HDGFL3: variants seen among roughly 807,000 people sequenced by gnomAD.
HDGFL3 encodes the protein HDGF like 3.
Under a neutral mutation model 27.6 loss-of-function variants are expected in HDGFL3, and 6 were observed. That is an observed-to-expected ratio of 0.22 (90% CI 0.12 to 0.43). HDGFL3 has a LOEUF of 0.43. Among genes scored for constraint, HDGFL3 ranks in the 20% least tolerant of loss-of-function variants. The pLI is 1.00. For synonymous variants in HDGFL3, 88 were observed against 88.9 expected, an observed-to-expected ratio of 0.99 and a Z score of 0.05; for missense variants, 207 against 250.1, an observed-to-expected ratio of 0.83 and a Z score of 1.16.
intron 1 of HDGFL3, among the ~76,000 whole-genome samples, chr15:83,170,399 C>A (rs1419761073): frequency 1.3e-5 from 2 of 152,100 alleles, no homozygotes; most frequent in African/African-American, 4.8e-5. Context: ...GAAAAGAGAA[C>A]CCAGAAATAA....
chr15:83,121,941 G>T, intron 3 of HDGFL3: 1 of 1,608,790 alleles, frequency 6.2e-7, no homozygotes, highest in Non-Finnish European at 8.5e-7. Context: ...AGAACCATTG[G>T]CCTATATTGG....
At chr15:83,160,547 TG>T (rs140522807) in intron 2 of HDGFL3, among the ~76,000 whole-genome samples, 24 of 135,230 alleles carry the variant, frequency 1.8e-4, no homozygotes, top group African/African-American at 4.3e-4. Flanking sequence ...GGAAATATTT[TG>T]GGGGGGGAAC....
At chr15:83,187,093 T>C (rs762239282) in intron 1 of HDGFL3, among the ~76,000 whole-genome samples, 30 of 152,124 alleles carry the variant, frequency 2.0e-4, no homozygotes, top group South Asian at 8.3e-4. Flanking sequence ...TCATGTCATA[T>C]ATATACACAC....
At chr15:83,156,706 T>C (rs1157929767) in intron 4 of HDGFL3, among the ~76,000 whole-genome samples, 1 of 152,124 alleles carries the variant, frequency 6.6e-6, no homozygotes, top group African/African-American at 2.4e-5. Context: ...CATTTCTTTT[T>C]TTTTTGAGAT....
rs369260749 is a variant in HDGFL3 at position 83,143,995 on chromosome 15, A to G, written c.607-4720T>C. Among the ~76,000 whole-genome samples, 6 of 152,312 alleles carry G rather than the reference A, an allele frequency of 3.9e-5. No individual in the cohort carries two copies. The South Asian group carries it at 1.2e-3, about 32-fold the overall frequency. ...CTAGTAAATATATTGGAATAATTAC[A>G]AATTTTAAGTCCCAACTTACCGATA... On this transcript the variant is annotated intron_variant, in intron 5 of 5. Transcript: ENST00000299633.
rs2036816441 is a variant in HDGFL3, at chr15:83,143,223, G to GCTGAC, written c.607-3949_607-3948insGTCAG. Among the ~76,000 whole-genome samples, 5 of 152,234 alleles carry GCTGAC rather than the reference G, an allele frequency of 3.3e-5. No homozygotes were observed. In the South Asian group the frequency reaches 1.0e-3, roughly 32 times the overall value. On this transcript the variant is annotated intron_variant, in intron 5 of 5. Transcript: ENST00000299633. The stretch of plus-strand genomic sequence containing the variant: ...GATGGGGTTTCACCATGTTGGCCAG[G>GCTGAC]CTGGTGTTGAACTCCTGACCTCAGG...
chr15:83,142,856 T>C (rs2036805517), intron 5 of HDGFL3, among the ~76,000 whole-genome samples: 1 of 152,196 alleles, frequency 6.6e-6, no homozygotes, highest in African/African-American at 2.4e-5. Flanking sequence ...AAAAATGTCT[T>C]TCTGCAAACT....
At chr15:83,185,264 T>C (rs1434551666) in intron 1 of HDGFL3, among the ~76,000 whole-genome samples, 1 of 152,190 alleles carries the variant, frequency 6.6e-6, no homozygotes, top group Non-Finnish European at 1.5e-5. Flanking sequence ...CCTCAGGCAA[T>C]CTGCCCGTCT....
At chr15:83,196,310 A>C (rs2151421533) in intron 1 of HDGFL3, among the ~76,000 whole-genome samples, 1 of 151,924 alleles carries the variant, frequency 6.6e-6, no homozygotes. Context: ...GGAATACAAA[A>C]ACCATTTTTT....
At chr15:83,178,807 T>G (rs2037345636) in intron 1 of HDGFL3, among the ~76,000 whole-genome samples, 1 of 152,356 alleles carries the variant, frequency 6.6e-6, no homozygotes, top group South Asian at 2.1e-4. Flanking sequence ...TCTATGCTCC[T>G]ACGTTAAATC....
intron 1 of HDGFL3, among the ~76,000 whole-genome samples, chr15:83,194,738 G>C (rs936356958): frequency 6.6e-6 from 1 of 152,064 alleles, no homozygotes; most frequent in Non-Finnish European, 1.5e-5. Flanking sequence ...TATGGAGATG[G>C]GTGCAGACGG....
At chr15:83,156,780 G>A (rs559235143) in intron 4 of HDGFL3, among the ~76,000 whole-genome samples, 46 of 151,962 alleles carry the variant, frequency 3.0e-4, no homozygotes, top group African/African-American at 1.0e-3. Context: ...TGTAAGCTCC[G>A]CCTCCTGGGT....
At chr15:83,120,587 CTTTTTTTTT>C (rs993490763) in intron 3 of HDGFL3, among the ~76,000 whole-genome samples, 23 of 125,958 alleles carry the variant, frequency 1.8e-4, no homozygotes, top group African/African-American at 6.1e-4. Flanking sequence ...CCAGCTAATT[CTTTTTTTTT>C]TTTTTTTTTT....
chr15:83,171,044 T>C (rs2037240724), intron 1 of HDGFL3, among the ~76,000 whole-genome samples: 1 of 152,174 alleles, frequency 6.6e-6, no homozygotes, highest in African/African-American at 2.4e-5. Context: ...CCAGTCATAA[T>C]GGCTACTATT....
At chr15:83,164,194 AG>A in intron 1 of HDGFL3, 119 bp from the exon 2 acceptor site, 3 of 675,724 alleles carry the variant, frequency 4.4e-6, no homozygotes, top group Non-Finnish European at 7.2e-6. Flanking sequence ...ATAGTTTTTT[AG>A]AACTTTACAA....
chr15:83,206,149 T>A (rs1255346183), intron 1 of HDGFL3, among the ~76,000 whole-genome samples: 1 of 152,238 alleles, frequency 6.6e-6, no homozygotes, highest in African/African-American at 2.4e-5. Context: ...AGTGATTATG[T>A]CCATCCATTA....
intron 1 of HDGFL3, chr15:83,185,945 G>A (rs1158116993): frequency 6.6e-6 from 1 of 152,266 alleles, no homozygotes. Flanking sequence ...CAGCTGCCAT[G>A]TTGTCAGTTA....
chr15:83,162,396 C>T (rs1014782742), intron 2 of HDGFL3, among the ~76,000 whole-genome samples: 15 of 152,066 alleles, frequency 9.9e-5, no homozygotes, highest in Admixed American at 9.8e-4. Context: ...AAAAAAATCA[C>T]ATATAGACTA....
At position 83,157,835 on chromosome 15, in the gene HDGFL3, A is replaced by G. The variant is rs2037052762; in HGVS notation, c.300+68T>C. The G allele has an allele frequency of 4.9e-6, 7 of 1,422,688 alleles. No individual in the cohort carries two copies. In the South Asian group the frequency reaches 7.2e-5, roughly 15 times the overall value. The allele number at this position is 1,422,688 out of a possible 1,614,324, so 88.1% of individuals were successfully genotyped here. On this transcript the variant is annotated intron_variant, in intron 3 of 5. Transcript: ENST00000299633. ...ACTATTAGTAGAAAGGACATATAAG[A>G]AAGATTTGAAAAAGCGTTAAAACCA...
Sources: allele counts gnomAD v4.1 joint callset (sites outside exome capture counted in the v4.1 genomes callset), GRCh38; gene constraint gnomAD v4.1.1; transcripts MANE v1.5; gene names NCBI Gene and HGNC (gene_info 2026-07-23, HGNC 2026-07-21).